The following SUSD4 variants were observed in gnomAD, a reference collection of about 807,000 sequenced individuals.
SUSD4 encodes sushi domain containing 4.
Under a neutral mutation model 50.5 loss-of-function variants are expected in SUSD4, and 41 were observed. The observed-to-expected ratio is 0.81, with a 90% CI of 0.63 to 1.05. The LOEUF (loss-of-function observed/expected upper bound fraction) is 1.05, where lower values mean the gene tolerates loss of function less well. Among genes scored for constraint, SUSD4 ranks in the 50% least tolerant of loss-of-function variants. The probability of loss-of-function intolerance (pLI) is 0.00; values close to 1 mark genes in which losing one functional copy is unlikely to be tolerated. For missense variants in SUSD4, 580 were observed against 634.7 expected, an observed-to-expected ratio of 0.91 and a Z score of 0.93; for synonymous variants, 257 against 257.3, an observed-to-expected ratio of 1.00 and a Z score of 0.01.
At chr1:223,268,702 A>G (rs1662699356) in intron 3 of SUSD4, 27 bp from the exon 4 acceptor site, 2 of 1,595,162 alleles carry the variant, frequency 1.3e-6, no homozygotes, top group Non-Finnish European at 1.7e-6. Context: ...GGTACACATT[A>G]TTTTTGGAAT....
chr1:223,325,832 T>G (rs1362839906), intron 2 of SUSD4, among the ~76,000 whole-genome samples: 1 of 152,100 alleles, frequency 6.6e-6, no homozygotes, highest in East Asian at 1.9e-4. Flanking sequence ...AAGATCTCCC[T>G]ACGGAGAACT....
At chr1:223,295,734 G>A (rs748032765) in intron 2 of SUSD4, among the ~76,000 whole-genome samples, 1 of 151,960 alleles carries the variant, frequency 6.6e-6, no homozygotes, top group Non-Finnish European at 1.5e-5. Flanking sequence ...TGTTAGCTCA[G>A]GGTTTGGATT....
chr1:223,223,633 T>G lies in SUSD4; in HGVS notation c.1062-2A>C. ...CTGCTGGAACTCCGGGGAGGCCCCC[T>G]GTGTAAAGGAAAGAAGTGCCAACAT... On this transcript the variant is annotated splice_acceptor_variant, in intron 7 of 8. Transcript: ENST00000366878. LOFTEE classifies it high-confidence loss of function. The G allele has an allele frequency of 6.3e-7, 1 of 1,596,826 alleles. No homozygotes were observed. Among genetic ancestry groups the G allele is most frequent in the Non-Finnish European group, 8.5e-7 (1 of 1,170,048 alleles).
intron 2 of SUSD4, among the ~76,000 whole-genome samples, chr1:223,348,523 T>C (rs1668168973): frequency 6.6e-6 from 1 of 152,192 alleles, no homozygotes; most frequent in African/African-American, 2.4e-5. Context: ...TCCAAGCCAG[T>C]TGTGGCAGGA....
chr1:223,351,385 A>T (rs1668357682), intron 2 of SUSD4, among the ~76,000 whole-genome samples: 1 of 152,132 alleles, frequency 6.6e-6, no homozygotes, highest in Non-Finnish European at 1.5e-5. Context: ...CTCAGTCCCC[A>T]CTCTGTCCAG....
intron 3 of SUSD4, among the ~76,000 whole-genome samples, chr1:223,287,222 G>A (rs878963508): frequency 2.6e-5 from 4 of 152,152 alleles, no homozygotes; most frequent in Admixed American, 2.6e-4. Context: ...GATCATAGGC[G>A]CGAGCCACCA....
At position 223,277,142 on chromosome 1, in the gene SUSD4, C is replaced by T. The variant is rs185226973; in HGVS notation, c.362-8467G>A. Among the ~76,000 whole-genome samples the T allele has an allele frequency of 1.2e-3, 190 of 152,250 alleles. 1 individual carries two copies. The highest frequency in any genetic ancestry group is 4.2e-3 in the African/African-American group (176 of 41,546). ...GAATCTTTTAATTAAAAATTTATAACGTAATAATAATACTTAAACTCATAT... is the reference window on the plus strand; with the variant it reads ...GAATCTTTTAATTAAAAATTTATAATGTAATAATAATACTTAAACTCATAT... On this transcript the variant is annotated intron_variant, in intron 3 of 8. Transcript: ENST00000366878.
intron 3 of SUSD4, among the ~76,000 whole-genome samples, chr1:223,289,648 A>G (rs1323465983): frequency 1.3e-5 from 2 of 152,216 alleles, no homozygotes; most frequent in Non-Finnish European, 2.9e-5. Flanking sequence ...GGGGGCTGCA[A>G]CAGGTCTTTC....
At chr1:223,226,272 G>A (rs972373868) in intron 7 of SUSD4, among the ~76,000 whole-genome samples, 12 of 152,232 alleles carry the variant, frequency 7.9e-5, no homozygotes, top group African/African-American at 2.9e-4. Context: ...GTGGATGGCA[G>A]GTTGGAGAGG....
At chr1:223,239,063 C>T (rs965162427) in intron 5 of SUSD4, among the ~76,000 whole-genome samples, 2 of 151,904 alleles carry the variant, frequency 1.3e-5, no homozygotes, top group Non-Finnish European at 2.9e-5. Flanking sequence ...GGAATTGACC[C>T]CTTTGTTTCT....
intron 2 of SUSD4, among the ~76,000 whole-genome samples, chr1:223,323,399 A>G (rs2103252534): frequency 6.6e-6 from 1 of 152,326 alleles, no homozygotes; most frequent in East Asian, 1.9e-4. Context: ...CCCAGTAGAC[A>G]GAAAATGGTG....
upstream of SUSD4, among the ~76,000 whole-genome samples, chr1:223,364,658 C>T (rs541503964): frequency 5.3e-3 from 807 of 151,362 alleles, 9 homozygotes; most frequent in African/African-American, 0.018. The surrounding 1 kb of genome is among the most constrained non-coding windows in gnomAD (Gnocchi z 4.5). Flanking sequence ...CGCGCGGCCT[C>T]TGGTGCCCCC....
At chr1:223,228,775 C>T (rs886243851) in intron 6 of SUSD4, among the ~76,000 whole-genome samples, 1 of 151,976 alleles carries the variant, frequency 6.6e-6, no homozygotes, top group African/African-American at 2.4e-5. Context: ...TCTGGTCACA[C>T]CCACAGGCCT....
chr1:223,271,486 A>G (rs1478855891), intron 3 of SUSD4, among the ~76,000 whole-genome samples: 1 of 152,154 alleles, frequency 6.6e-6, no homozygotes, highest in Non-Finnish European at 1.5e-5. Context: ...AAGAAGAGTC[A>G]CCATAGGGAG....
At chr1:223,259,206 G>A (rs890838928) in intron 5 of SUSD4, among the ~76,000 whole-genome samples, 5 of 152,160 alleles carry the variant, frequency 3.3e-5, no homozygotes, top group Non-Finnish European at 5.9e-5. Context: ...ACACCTCAGA[G>A]GCACTTACGT....
intron 2 of SUSD4, among the ~76,000 whole-genome samples, chr1:223,325,277 A>G (rs921364936): frequency 2.8e-4 from 42 of 152,184 alleles, no homozygotes; most frequent in African/African-American, 9.2e-4. Context: ...TAATACCATC[A>G]TTTTTTCCCC....
At chr1:223,292,680 C>T in intron 2 of SUSD4, 29 bp from the exon 3 acceptor site, 2 of 1,609,374 alleles carry the variant, frequency 1.2e-6, no homozygotes, top group East Asian at 2.2e-5. Context: ...GAAAAGGTGC[C>T]TATGAATATG....
chr1:223,317,520 AC>A (rs1374826601), intron 2 of SUSD4, among the ~76,000 whole-genome samples: 29 of 151,954 alleles, frequency 1.9e-4, no homozygotes, highest in Middle Eastern at 3.4e-3. Context: ...CCGGATTGGG[AC>A]CCCTTTCCTG....
intron 2 of SUSD4, among the ~76,000 whole-genome samples, chr1:223,316,266 C>T (rs566457350): frequency 1.3e-5 from 2 of 152,310 alleles, no homozygotes; most frequent in East Asian, 3.9e-4. Flanking sequence ...AAATCAGTTG[C>T]TGGCACAAGG....
Sources: allele counts gnomAD v4.1 joint callset (sites outside exome capture counted in the v4.1 genomes callset), GRCh38; gene constraint gnomAD v4.1.1; non-coding constraint Gnocchi (gnomAD v3.1); transcripts MANE v1.5; gene names NCBI Gene and HGNC (gene_info 2026-07-23, HGNC 2026-07-21).